DPP6: variants seen among roughly 807,000 people sequenced by gnomAD.
DPP6 encodes A-type potassium channel modulatory protein DPP6.
DPP6 carries 69 observed loss-of-function variants against 122.6 expected under a neutral mutation model. The ratio of observed to expected loss-of-function variants is 0.56; its 90% CI spans 0.46 to 0.69. The LOEUF (loss-of-function observed/expected upper bound fraction) is 0.69. Ranked by LOEUF, DPP6 falls within the 30% of genes least tolerant of loss-of-function variation. The pLI, the probability that DPP6 is intolerant of heterozygous loss-of-function variation, is 0.00. For missense variants in DPP6, 928 were observed against 1,116.9 expected, an observed-to-expected ratio of 0.83 and a Z score of 2.41; for synonymous variants, 418 against 433.1, an observed-to-expected ratio of 0.97 and a Z score of 0.43.
intron 21 of DPP6, among the ~76,000 whole-genome samples, chr7:154,882,247 T>A (rs1290433928): frequency 2.0e-5 from 3 of 152,262 alleles, no homozygotes; most frequent in African/African-American, 7.2e-5. Flanking sequence ...TGTGCACCTG[T>A]CAGAGCACAA....
chr7:154,647,850 C>A (rs1472496721), intron 6 of DPP6, among the ~76,000 whole-genome samples: 2 of 152,132 alleles, frequency 1.3e-5, no homozygotes, highest in African/African-American at 2.4e-5. Context: ...TGGAGGGTGG[C>A]ACTCTTCCTG....
chr7:154,299,950 C>T (rs1805794165), intron 1 of DPP6, among the ~76,000 whole-genome samples: 2 of 152,196 alleles, frequency 1.3e-5, no homozygotes, highest in African/African-American at 4.8e-5. Context: ...CTGCCAGCAG[C>T]CCTACTCAGA....
rs542010466 is a variant in DPP6 at position 154,789,669 on chromosome 7, C to T, written c.1137-4410C>T. Among the ~76,000 whole-genome samples the T allele has an allele frequency of 2.1e-3, 319 of 152,282 alleles. 1 individual carries two copies. Among genetic ancestry groups the T allele is most frequent in the Non-Finnish European group, 3.4e-3 (234 of 68,030 alleles). On this transcript the variant is annotated intron_variant, in intron 10 of 25. Coordinates refer to ENST00000377770, the MANE Select transcript of DPP6 (RefSeq NM_130797.4). Reference sequence around the variant, plus strand: ...GACCTCTGTCTGGAGAGTCCACACTCGATGTGGTGTATGGTGTGCTGTTTG... The same window carrying T: ...GACCTCTGTCTGGAGAGTCCACACTTGATGTGGTGTATGGTGTGCTGTTTG...
In DPP6 at chr7:154,875,366, G is replaced by A. The variant is rs994727468; in HGVS notation, c.1884-540G>A. On this transcript the variant is annotated intron_variant, in intron 19 of 25. Transcript: ENST00000377770. This position sits in a 1 kb window ranked among gnomAD's most constrained non-coding sequence, Gnocchi z 4.5. ...GGAGGCCACACTGCCCAGAGCCAAT[G>A]GCTCCTTGACTCCCGAGCAGAGGGA... 1.3e-5 allele frequency among the ~76,000 whole-genome samples: 2 copies of A among 152,144 alleles called. No individual in the cohort carries two copies. The highest frequency in any genetic ancestry group is 4.8e-5 in the African/African-American group (2 of 41,428).
chr7:154,339,100 T>G (rs975100813), intron 1 of DPP6, among the ~76,000 whole-genome samples: 1 of 152,232 alleles, frequency 6.6e-6, no homozygotes, highest in African/African-American at 2.4e-5. Context: ...GGTTGGGTTG[T>G]GTGGGGCCGG....
At chr7:154,430,553 C>T (rs908236377) in intron 1 of DPP6, among the ~76,000 whole-genome samples, 1 of 152,156 alleles carries the variant, frequency 6.6e-6, no homozygotes, top group Non-Finnish European at 1.5e-5. Flanking sequence ...TCCTGAAGGC[C>T]CCCCTCCTAG....
At chr7:153,929,924 A>G (rs1484594584) in intron 1 of DPP6, among the ~76,000 whole-genome samples, 2 of 152,238 alleles carry the variant, frequency 1.3e-5, no homozygotes, top group African/African-American at 4.8e-5. Flanking sequence ...GAAGCCACTG[A>G]ACATTTTTAA....
In DPP6 at chr7:154,483,058, G is replaced by A. The variant is rs923141160; in HGVS notation, c.457+8021G>A. Among the ~76,000 whole-genome samples the A allele has an allele frequency of 5.3e-5, 8 of 152,142 alleles. No homozygotes were observed. The highest frequency in any genetic ancestry group is 1.7e-4 in the African/African-American group (7 of 41,432). On this transcript the variant is annotated intron_variant, in intron 3 of 25. Coordinates refer to ENST00000377770, the MANE Select transcript of DPP6 (RefSeq NM_130797.4). The surrounding 1 kb of genome is among the most constrained non-coding windows in gnomAD (Gnocchi z 8.1). ...AGCCATCTGGAGGACCATGGAAAGC[G>A]TGGGTTGTGGAGGTACTGCTCAGAG...
At chr7:153,879,121 G>T in the DPP6 span, among the ~76,000 whole-genome samples, 4 of 152,304 alleles carry the variant, frequency 2.6e-5, no homozygotes, top group South Asian at 4.1e-4. Context: ...AGAGTGTGGT[G>T]ATGTGATGAG....
intron 16 of DPP6, among the ~76,000 whole-genome samples, chr7:154,809,565 G>A (rs2150471185): frequency 6.6e-6 from 1 of 152,314 alleles, no homozygotes; most frequent in South Asian, 2.1e-4. Flanking sequence ...AAGAAAGCAT[G>A]GTGTGTGCTC....
At chr7:154,115,732 TG>T (rs1159171997) in intron 1 of DPP6, among the ~76,000 whole-genome samples, 2 of 152,210 alleles carry the variant, frequency 1.3e-5, no homozygotes, top group African/African-American at 4.8e-5. Context: ...CACATTTGGT[TG>T]GTTGACTTTG....
At chr7:154,827,661 CAGGGGGG>C (rs1800268467) in intron 16 of DPP6, among the ~76,000 whole-genome samples, 1 of 105,958 alleles carries the variant, frequency 9.4e-6, no homozygotes, top group African/African-American at 3.6e-5. Context: ...GGACGGCTGG[CAGGGGGG>C]TGGTGTCGCA....
At chr7:154,634,591 C>A (rs537660060) in intron 5 of DPP6, among the ~76,000 whole-genome samples, 14 of 152,178 alleles carry the variant, frequency 9.2e-5, no homozygotes, top group African/African-American at 3.4e-4. Flanking sequence ...TCTTGCCTAA[C>A]GGTACAGACG....
chr7:154,460,180 C>T (rs1340875459), intron 2 of DPP6, among the ~76,000 whole-genome samples: 9 of 151,930 alleles, frequency 5.9e-5, no homozygotes, highest in South Asian at 2.1e-4. Flanking sequence ...CGGGGTTTCG[C>T]GATGTTGGCC....
chr7:153,879,007 A>T, the DPP6 span, among the ~76,000 whole-genome samples: 50 of 152,244 alleles, frequency 3.3e-4, no homozygotes, highest in African/African-American at 1.2e-3. Flanking sequence ...AAAAAGAAAA[A>T]AAATGAAGCT....
chr7:154,566,017 A>G (rs1374785320), intron 4 of DPP6, among the ~76,000 whole-genome samples: 1 of 152,190 alleles, frequency 6.6e-6, no homozygotes, highest in Non-Finnish European at 1.5e-5. Flanking sequence ...GGTATCATTT[A>G]TGTCGGATGA....
chr7:153,811,189 A>G, the DPP6 span, among the ~76,000 whole-genome samples: 2 of 152,146 alleles, frequency 1.3e-5, no homozygotes, highest in Non-Finnish European at 2.9e-5. Context: ...CACCCACCTC[A>G]CTGACTCCCT....
chr7:154,382,349 C>G (rs545091628), intron 1 of DPP6, among the ~76,000 whole-genome samples: 2 of 152,072 alleles, frequency 1.3e-5, no homozygotes, highest in South Asian at 4.1e-4. Flanking sequence ...CACAGGGCAT[C>G]CTGTATTTCA....
intron 1 of DPP6, among the ~76,000 whole-genome samples, chr7:154,183,522 G>A (rs754861375): frequency 6.6e-6 from 1 of 152,102 alleles, no homozygotes; most frequent in Non-Finnish European, 1.5e-5. Flanking sequence ...TGGTTCTTCC[G>A]GAGTGGTGAT....
Sources: allele counts gnomAD v4.1 joint callset (sites outside exome capture counted in the v4.1 genomes callset), GRCh38; gene constraint gnomAD v4.1.1; non-coding constraint Gnocchi (gnomAD v3.1); transcripts MANE v1.5; gene names NCBI Gene and HGNC (gene_info 2026-07-23, HGNC 2026-07-21).